Variants in DNAH7 observed in about 807,000 individuals in gnomAD.
DNAH7 encodes the protein dynein axonemal heavy chain 7.
In DNAH7, 397 loss-of-function variants were observed where a neutral mutation model predicts 444.6. The ratio of observed to expected loss-of-function variants is 0.89; its 90% confidence interval spans 0.82 to 0.97. The LOEUF (loss-of-function observed/expected upper bound fraction) is 0.97. Among genes scored for constraint, DNAH7 ranks in the 50% least tolerant of loss-of-function variants. The pLI, the probability that DNAH7 is intolerant of heterozygous loss-of-function variation, is 0.00. For synonymous variants in DNAH7, 1,636 were observed against 1,624.4 expected, an observed-to-expected ratio of 1.01 and a Z score of -0.17; for missense variants, 4,902 against 4,800.8, an observed-to-expected ratio of 1.02 and a Z score of -0.62.
At chr2:195,940,132 G>C (rs1276798471) in intron 19 of DNAH7, among the ~76,000 whole-genome samples, 1 of 152,058 alleles carries the variant, frequency 6.6e-6, no homozygotes, top group Admixed American at 6.6e-5. Flanking sequence ...ATACTACAAG[G>C]CTACAGTAAC....
intron 52 of DNAH7, 65 bp downstream of exon 52, chr2:195,809,680 A>G: frequency 1.5e-6 from 2 of 1,360,608 alleles, no homozygotes; most frequent in Non-Finnish European, 1.9e-6. Flanking sequence ...TTCCCATACA[A>G]ATTAATAAAT....
At chr2:195,830,274 G>C (rs1336164042) in intron 48 of DNAH7, among the ~76,000 whole-genome samples, 1 of 152,148 alleles carries the variant, frequency 6.6e-6, no homozygotes, top group African/African-American at 2.4e-5. Flanking sequence ...ATACTTTTGA[G>C]TAAGGCAGAT....
intron 22 of DNAH7, among the ~76,000 whole-genome samples, chr2:195,925,752 T>C (rs1352240236): frequency 6.6e-6 from 1 of 152,200 alleles, no homozygotes; most frequent in African/African-American, 2.4e-5. Context: ...TTAACAATTA[T>C]GATTTTAAAC....
At chr2:196,038,898 G>C (rs1313563755) in intron 5 of DNAH7, among the ~76,000 whole-genome samples, 6 of 152,100 alleles carry the variant, frequency 3.9e-5, no homozygotes, top group African/African-American at 1.2e-4. Context: ...TATTATTAAA[G>C]TTAAGGAGAG....
chr2:196,063,036 C>T (rs1255216693), intron 1 of DNAH7, among the ~76,000 whole-genome samples: 1 of 152,122 alleles, frequency 6.6e-6, no homozygotes, highest in African/African-American at 2.4e-5. Flanking sequence ...GCGTGTGCCA[C>T]CACACTGGCT....
Position 196,000,787 on chromosome 2 carries a change from C to A in DNAH7, c.1270G>T (p.Asp424Tyr). The A allele has an allele frequency of 2.5e-6, 4 of 1,607,456 alleles. No individual in the cohort carries two copies. Among genetic ancestry groups the A allele is most frequent in the Non-Finnish European group, 3.4e-6 (4 of 1,176,368 alleles). ...ACGTCATAAACATTTAGAAAGATAT[C>A]TATATAGTCACTCAACTCAGGTTCA... ...KFEPELSDYI[D>Y]IFLNVYDVMI... is the part of the protein sequence containing the mutation. The change falls in exon 12 of 65, where the codon GAT (aspartate) becomes TAT (tyrosine). Residue 424 changes from aspartate to tyrosine, a missense_variant. Physicochemically the swap from Asp to Tyr is radical, Grantham distance 160 (BLOSUM62 -3). Coordinates refer to ENST00000312428, the MANE Select transcript of DNAH7 (RefSeq NM_018897.3).
At chr2:195,897,845 A>G in intron 28 of DNAH7, 80 bp from the exon 29 acceptor site, 1 of 715,924 alleles carries the variant, frequency 1.4e-6, no homozygotes, top group East Asian at 2.6e-5. Context: ...CATACACACA[A>G]ACCTACAGAC....
At chr2:196,053,543 T>C (rs771548069) in intron 2 of DNAH7, among the ~76,000 whole-genome samples, 11 of 152,214 alleles carry the variant, frequency 7.2e-5, no homozygotes, top group African/African-American at 2.7e-4. Flanking sequence ...AGCAGGGGAC[T>C]AGAGTCAGCA....
chr2:196,030,123 A>C (rs770757158), intron 5 of DNAH7, among the ~76,000 whole-genome samples: 3 of 152,242 alleles, frequency 2.0e-5, no homozygotes, highest in Non-Finnish European at 4.4e-5. Flanking sequence ...AAAGAGGTTT[A>C]ATGGACTTAC....
Position 196,068,825 on chromosome 2 carries a change from A to C in DNAH7, c.-114T>G. On this transcript the variant is annotated 5_prime_UTR_variant, in exon 1 of 65. Transcript: ENST00000312428. Reference sequence around the variant, plus strand: ...TTGCAGCGGTCTCAGCTCCCTCCGCACCAGAGCCGTCTAGCGTCCGGGCAG... The same window carrying C: ...TTGCAGCGGTCTCAGCTCCCTCCGCCCCAGAGCCGTCTAGCGTCCGGGCAG... The C allele has an allele frequency of 7.3e-7, 1 of 1,365,860 alleles. No individual in the cohort carries two copies. Among genetic ancestry groups the C allele is most frequent in the African/African-American group, 1.5e-5 (1 of 68,718 alleles). 84.6% of individuals were successfully genotyped at this position (1,365,860 alleles called of 1,614,324 possible). A position where few individuals can be genotyped will look rare whatever the true frequency, so the allele number is the denominator to read the frequency against.
chr2:195,829,328 TTTC>T (rs929891319), intron 48 of DNAH7, among the ~76,000 whole-genome samples: 12 of 150,882 alleles, frequency 8.0e-5, no homozygotes, highest in Non-Finnish European at 1.0e-4. Context: ...TTTTGTTTCC[TTTC>T]TTTTTTTGTT....
intron 9 of DNAH7, among the ~76,000 whole-genome samples, chr2:196,015,156 T>C (rs1694939063): frequency 6.6e-6 from 1 of 152,158 alleles, no homozygotes; most frequent in African/African-American, 2.4e-5. Flanking sequence ...TTCCCTCAAA[T>C]GGGAGCCCAT....
At chr2:195,874,227 T>C (rs1700892555) in intron 38 of DNAH7, among the ~76,000 whole-genome samples, 1 of 152,158 alleles carries the variant, frequency 6.6e-6, no homozygotes, top group Non-Finnish European at 1.5e-5. Context: ...CACTGGCTGC[T>C]TGCATCTTTA....
Position 195,795,027 on chromosome 2 carries a change from G to A in DNAH7, c.10516-489C>T, listed in dbSNP as rs1696068687. Among the ~76,000 whole-genome samples the A allele has an allele frequency of 1.3e-5, 2 of 152,242 alleles. 1 individual carries two copies. Among genetic ancestry groups the A allele is most frequent in the South Asian group, 4.2e-4 (2 of 4,818 alleles). On this transcript the variant is annotated intron_variant, in intron 56 of 64. Transcript: ENST00000312428. ...GGGTATATATGATACAATTCAACAG[G>A]TCATGAGAACAGTCTCAGTCTGGAG...
intron 50 of DNAH7, 144 bp from the exon 51 acceptor site, chr2:195,817,107 TA>T (rs762812534): frequency 1.9e-5 from 12 of 626,264 alleles, no homozygotes; most frequent in Non-Finnish European, 3.2e-5. Flanking sequence ...TGATGCCTTA[TA>T]ATTAATTTCT....
intron 55 of DNAH7, 111 bp from the exon 56 acceptor site, chr2:195,796,848 T>C (rs1040116783): frequency 2.2e-5 from 27 of 1,203,338 alleles, no homozygotes; most frequent in Non-Finnish European, 2.9e-5. Context: ...GGGTCACATG[T>C]CTCAAAAAGC....
chr2:195,778,636 ATAAATAAATATAT>A lies in DNAH7; in HGVS notation c.10879-664_10879-652del, dbSNP rs1312255979. 1.5e-3 allele frequency among the ~76,000 whole-genome samples: 94 copies of A among 63,128 alleles called. 14 individuals are homozygous for A. Among genetic ancestry groups the A allele is most frequent in the East Asian group, 0.014 (26 of 1,900 alleles). The allele number at this position is 63,128 out of a possible 152,430, so 41.4% of individuals were successfully genotyped here. On this transcript the variant is annotated intron_variant, in intron 58 of 64. Coordinates refer to ENST00000312428, the MANE Select transcript of DNAH7 (RefSeq NM_018897.3). ...CCTGTCTGAAAAAAAAAAAAAATAA[ATAAATAAATATAT>A]ATATATATATATATATATATACACA...
At chr2:195,997,844 T>C (rs1357763948) in intron 12 of DNAH7, among the ~76,000 whole-genome samples, 1 of 152,194 alleles carries the variant, frequency 6.6e-6, no homozygotes, top group Non-Finnish European at 1.5e-5. Context: ...CATCTAGGCA[T>C]ATTTTACCAG....
intron 22 of DNAH7, 64 bp from the exon 23 acceptor site, chr2:195,923,871 T>A: frequency 7.5e-7 from 1 of 1,335,130 alleles, no homozygotes; most frequent in Non-Finnish European, 1.1e-6. Context: ...AACAAAACAT[T>A]CTGAACTAGT....
Sources: allele counts gnomAD v4.1 joint callset (sites outside exome capture counted in the v4.1 genomes callset), GRCh38; gene constraint gnomAD v4.1.1; transcripts MANE v1.5; gene names NCBI Gene and HGNC (gene_info 2026-07-23, HGNC 2026-07-21).